Variants in CDC25C observed in about 807,000 individuals in gnomAD.
CDC25C encodes cell division cycle 25C.
Under a neutral mutation model 52.5 loss-of-function variants are expected in CDC25C, and 48 were observed. The observed-to-expected ratio is 0.91, with a 90% confidence interval of 0.72 to 1.16. CDC25C has a LOEUF of 1.16. Among genes scored for constraint, CDC25C ranks in the 50% most tolerant of loss-of-function variants. CDC25C has a pLI of 0.00. For synonymous variants in CDC25C, 187 were observed against 206.5 expected (o/e 0.91, Z 0.81); for missense variants, 510 against 566.1 (o/e 0.90, Z 1.01).
intron 6 of CDC25C, among the ~76,000 whole-genome samples, chr5:138,322,836 G>A (rs1004973460): frequency 1.3e-5 from 2 of 151,480 alleles, no homozygotes; most frequent in African/African-American, 2.4e-5. Context: ...GCCCAGGCTA[G>A]TCTGGAACTC....
intron 6 of CDC25C, among the ~76,000 whole-genome samples, chr5:138,325,077 A>C (rs564615801): frequency 3.3e-5 from 5 of 152,362 alleles, no homozygotes; most frequent in African/African-American, 1.2e-4. Flanking sequence ...TTCAAAAATA[A>C]ATGAATAAAA....
chr5:138,337,715 C>T (rs905300577), intron 1 of CDC25C: 4 of 335,480 alleles, frequency 1.2e-5, no homozygotes, highest in Non-Finnish European at 1.7e-5. Context: ...GCAAGAGGGG[C>T]TCCTGGGACT....
At chr5:138,288,880 G>A (rs1756478321) in intron 10 of CDC25C, among the ~76,000 whole-genome samples, 2 of 152,030 alleles carry the variant, frequency 1.3e-5, no homozygotes, top group Admixed American at 1.3e-4. Context: ...TGTAAACGAG[G>A]GTGCATGGTC....
intron 7 of CDC25C, among the ~76,000 whole-genome samples, chr5:138,308,856 C>T (rs189643314): frequency 6.6e-6 from 1 of 152,186 alleles, no homozygotes; most frequent in Admixed American, 6.5e-5. Context: ...TAAACCCTGG[C>T]TCTGCTGCTT....
Position 138,338,008 on chromosome 5 carries a change from G to A in CDC25C, c.-40C>T, listed in dbSNP as rs1009582483. On this transcript the variant is annotated 5_prime_UTR_variant, in exon 1 of 6. Coordinates refer to the CDC25C transcript ENST00000510119. ...GTTTCAAGATGTGCCTCCAACTGGG[G>A]CCGTCCACTTTCTGCGATATTTTGG... 4.7e-6 allele frequency: 6 copies of A among 1,289,600 alleles called. No homozygotes were observed. In the African/African-American group the frequency reaches 7.6e-5, roughly 16 times the overall value. 79.9% of individuals were successfully genotyped at this position (1,289,600 alleles called of 1,614,324 possible).
At chr5:138,330,259 C>G (rs1001900544) in intron 2 of CDC25C, among the ~76,000 whole-genome samples, 1 of 151,938 alleles carries the variant, frequency 6.6e-6, no homozygotes, top group African/African-American at 2.4e-5. Context: ...TCCACATTCC[C>G]GGTCCTGAGC....
At chr5:138,335,178 G>T (rs1394959107), upstream of CDC25C, 1 of 152,272 alleles carries the variant, frequency 6.6e-6, no homozygotes, top group East Asian at 1.9e-4. Flanking sequence ...TCAGGCAGTG[G>T]AGAAGAGCCC....
intron 4 of CDC25C, among the ~76,000 whole-genome samples, chr5:138,327,771 A>G (rs1481166297): frequency 6.6e-6 from 1 of 152,210 alleles, no homozygotes; most frequent in Non-Finnish European, 1.5e-5. Flanking sequence ...TTAAGGTCCA[A>G]TGAAGTTAAA....
intron 6 of CDC25C, among the ~76,000 whole-genome samples, chr5:138,321,983 C>G (rs1759442262): frequency 6.6e-6 from 1 of 151,704 alleles, no homozygotes; most frequent in Admixed American, 6.6e-5. Context: ...CACATGAAAT[C>G]ACTACTAATT....
intron 4 of CDC25C, among the ~76,000 whole-genome samples, chr5:138,327,413 T>C (rs1377232227): frequency 6.6e-6 from 1 of 150,890 alleles, no homozygotes; most frequent in Admixed American, 6.6e-5. Context: ...CGCTGATCAC[T>C]TGAGGTCAGG....
intron 7 of CDC25C, among the ~76,000 whole-genome samples, chr5:138,318,589 C>A (rs1759088894): frequency 6.6e-6 from 1 of 151,768 alleles, no homozygotes; most frequent in Non-Finnish European, 1.5e-5. Flanking sequence ...GTGGTGCACA[C>A]CTGTAATCCC....
At chr5:138,309,657 TC>T (rs1358532443) in intron 7 of CDC25C, among the ~76,000 whole-genome samples, 4 of 151,228 alleles carry the variant, frequency 2.6e-5, no homozygotes, top group Non-Finnish European at 5.9e-5. Context: ...TATTATACTA[TC>T]AAGAGCTCAA....
At chr5:138,318,551 T>C (rs1759085820) in intron 7 of CDC25C, among the ~76,000 whole-genome samples, 1 of 151,916 alleles carries the variant, frequency 6.6e-6, no homozygotes, top group African/African-American at 2.4e-5. Flanking sequence ...CTGTCTCTAC[T>C]AAAAATACTA....
At chr5:138,338,236 T>C (rs908988049) in exon 1 of CDC25C, 7 of 1,213,926 alleles carry the variant, frequency 5.8e-6, no homozygotes, top group Non-Finnish European at 7.6e-6. Flanking sequence ...CAGCGCCTTT[T>C]AAGGGCACCG....
intron 7 of CDC25C, among the ~76,000 whole-genome samples, chr5:138,311,940 A>T (rs766936507): frequency 2.6e-5 from 4 of 152,328 alleles, no homozygotes; most frequent in Non-Finnish European, 4.4e-5. Context: ...GCCAGGAAGC[A>T]TATGAAAAGG....
At chr5:138,302,236 A>T (rs947440694) in intron 7 of CDC25C, among the ~76,000 whole-genome samples, 1 of 151,412 alleles carries the variant, frequency 6.6e-6, no homozygotes, top group African/African-American at 2.4e-5. Flanking sequence ...ACCTCGAGTG[A>T]TCCACCTGCC....
chr5:138,325,752 AC>A (rs1303030286), intron 6 of CDC25C, 62 bp downstream of exon 6: 1 of 1,124,272 alleles, frequency 8.9e-7, no homozygotes, highest in East Asian at 2.4e-5. Context: ...TCATTATGAT[AC>A]CAAGTTTCTT....
intron 7 of CDC25C, among the ~76,000 whole-genome samples, chr5:138,306,365 T>C (rs1757999309): frequency 6.6e-6 from 1 of 152,192 alleles, no homozygotes; most frequent in South Asian, 2.1e-4. Flanking sequence ...TAGCAAGTAC[T>C]CAATAAATAT....
Position 138,319,261 on chromosome 5 carries a change from T to C in CDC25C, c.573A>G (p.Ser191=). ...NLGEDQAEEI[S]DELMEFSLKD... is the part of the protein sequence containing the mutation. ...TCAGGGAAAACTCCATTAATTCATC[T>C]GAAATCTCTTCTGCCTGGTCTTCTC... The change falls in exon 7 of 14, where the codon TCA becomes TCG. Residue 191 remains serine, a synonymous_variant. Coordinates refer to ENST00000323760, the MANE Select transcript of CDC25C (RefSeq NM_001790.5). 1.2e-6 allele frequency: 2 copies of C among 1,613,782 alleles called. No homozygotes were observed. Among genetic ancestry groups the C allele is most frequent in the East Asian group, 4.5e-5 (2 of 44,840 alleles).
Sources: allele counts gnomAD v4.1 joint callset (sites outside exome capture counted in the v4.1 genomes callset), GRCh38; gene constraint gnomAD v4.1.1; transcripts MANE v1.5; gene names NCBI Gene and HGNC (gene_info 2026-07-23, HGNC 2026-07-21).